The following LEKR1 variants were observed in gnomAD, a reference collection of about 807,000 sequenced individuals.
The protein encoded by LEKR1 is protein LEKR1.
A neutral mutation model predicts 72.4 loss-of-function variants in LEKR1; 59 were observed. The observed-to-expected ratio is 0.82, with a 90% CI of 0.66 to 1.01. The LOEUF (loss-of-function observed/expected upper bound fraction) is 1.01. LEKR1 is among the 50% of genes least tolerant of loss of function. LEKR1 has a pLI of 0.00. For missense variants in LEKR1, 728 were observed against 759.2 expected, an observed-to-expected ratio of 0.96 and a Z score of 0.48; for synonymous variants, 257 against 263.2, an observed-to-expected ratio of 0.98 and a Z score of 0.23.
intron 5 of LEKR1, among the ~76,000 whole-genome samples, chr3:156,938,297 T>C (rs1725898952): frequency 6.6e-6 from 1 of 152,086 alleles, no homozygotes; most frequent in Non-Finnish European, 1.5e-5. Context: ...TAAGTTTGAA[T>C]AGGAACTCCC....
chr3:156,966,081 T>C (rs1422498615), intron 6 of LEKR1, among the ~76,000 whole-genome samples: 2 of 152,098 alleles, frequency 1.3e-5, no homozygotes, highest in Non-Finnish European at 2.9e-5. Flanking sequence ...CTAATGTAAC[T>C]AAATAAATAA....
At chr3:156,878,213 C>T (rs1210208723) in intron 3 of LEKR1, among the ~76,000 whole-genome samples, 1 of 151,634 alleles carries the variant, frequency 6.6e-6, no homozygotes, top group Non-Finnish European at 1.5e-5. Flanking sequence ...GAGGTGTGAC[C>T]TTAGATTGTT....
At chr3:156,869,834 T>C (rs1030242073) in intron 3 of LEKR1, among the ~76,000 whole-genome samples, 1 of 152,098 alleles carries the variant, frequency 6.6e-6, no homozygotes, top group East Asian at 1.9e-4. Flanking sequence ...AGTTTTATAG[T>C]TTGGGGTCTT....
At chr3:156,899,507 T>TATACAC (rs1560064083) in intron 3 of LEKR1, among the ~76,000 whole-genome samples, 67 of 95,814 alleles carry the variant, frequency 7.0e-4, no homozygotes, top group South Asian at 2.0e-3. Context: ...TATATACATG[T>TATACAC]ATATATACAT....
intron 11 of LEKR1, among the ~76,000 whole-genome samples, chr3:157,027,605 C>T (rs972281125): frequency 6.6e-6 from 1 of 151,980 alleles, no homozygotes; most frequent in Admixed American, 6.6e-5. Context: ...TGCTTGAGCC[C>T]AGGAGTTTAA....
chr3:157,029,941 T>C (rs1734482986), intron 12 of LEKR1, among the ~76,000 whole-genome samples: 1 of 152,150 alleles, frequency 6.6e-6, no homozygotes, highest in African/African-American at 2.4e-5. Flanking sequence ...CCAAATTCAG[T>C]AAATGTATAT....
At chr3:156,897,917 C>T (rs997076635) in intron 3 of LEKR1, among the ~76,000 whole-genome samples, 1 of 149,626 alleles carries the variant, frequency 6.7e-6, no homozygotes, top group African/African-American at 2.5e-5. Flanking sequence ...TGTGCCACTG[C>T]ACTCCAGCCT....
chr3:156,877,302 T>A (rs183845519), intron 3 of LEKR1, among the ~76,000 whole-genome samples: 11 of 152,280 alleles, frequency 7.2e-5, no homozygotes, highest in African/African-American at 2.4e-4. Flanking sequence ...TTTATGTCAT[T>A]CCTGGTTTTG....
At chr3:156,948,579 C>T (rs1726882538) in intron 6 of LEKR1, among the ~76,000 whole-genome samples, 1 of 151,168 alleles carries the variant, frequency 6.6e-6, no homozygotes, top group South Asian at 2.1e-4. Context: ...TTGATGGGCA[C>T]TTAGGTTGAT....
chr3:156,859,352 C>A (rs1245210374), intron 3 of LEKR1, among the ~76,000 whole-genome samples: 1 of 152,086 alleles, frequency 6.6e-6, no homozygotes, highest in Non-Finnish European at 1.5e-5. Context: ...CCTTCTTGAC[C>A]TTAAATTTTT....
chr3:156,929,844 C>T (rs1201686343), intron 5 of LEKR1, among the ~76,000 whole-genome samples: 1 of 152,062 alleles, frequency 6.6e-6, no homozygotes, highest in Non-Finnish European at 1.5e-5. Context: ...GATTCCTCAC[C>T]CTTGCTTAGG....
At chr3:156,868,343 G>A (rs920219336) in intron 3 of LEKR1, among the ~76,000 whole-genome samples, 2 of 151,870 alleles carry the variant, frequency 1.3e-5, no homozygotes, top group Non-Finnish European at 2.9e-5. Context: ...TTCTATTAAC[G>A]GATGTGAATT....
In LEKR1 at chr3:156,927,455, T is replaced by G. The variant is rs1724826720; in HGVS notation, c.410T>G (p.Phe137Cys). 8.8e-7 allele frequency: 1 copy of G among 1,137,104 alleles called. No homozygotes were observed. Among genetic ancestry groups the G allele is most frequent in the African/African-American group, 1.7e-5 (1 of 58,462 alleles). The allele number at this position is 1,137,104 out of a possible 1,614,324, so 70.4% of individuals were successfully genotyped here. A position where few individuals can be genotyped will look rare whatever the true frequency, so the allele number is the denominator to read the frequency against. Residue 137 changes from phenylalanine to cysteine, a missense_variant, in exon 5 of 13, where the codon TTC (phenylalanine) becomes TGC (cysteine). Physicochemically the swap from Phe to Cys is radical, Grantham distance 205 (BLOSUM62 -2). Coordinates refer to ENST00000356539, the MANE Select transcript of LEKR1 (RefSeq NM_001004316.3). ...CAAAGATTGTCAGAGTACAAATATT[T>G]CTGGAATAAGACTCTTTCATTACTT... ...FSQRLSEYKY[F>C]WNKTLSLLTF... is the part of the protein sequence containing the mutation.
intron 11 of LEKR1, among the ~76,000 whole-genome samples, chr3:157,025,139 A>AT (rs1183950472): frequency 6.6e-6 from 1 of 152,090 alleles, no homozygotes; most frequent in Non-Finnish European, 1.5e-5. Context: ...CTATGTATGG[A>AT]TTTTTTCTAC....
intron 6 of LEKR1, among the ~76,000 whole-genome samples, chr3:156,965,221 A>G (rs529973492): frequency 1.4e-4 from 22 of 152,266 alleles, no homozygotes; most frequent in Non-Finnish European, 3.2e-4. Flanking sequence ...GTAAACACAC[A>G]TATACACACA....
chr3:156,979,025 G>C (rs930199364), intron 6 of LEKR1, among the ~76,000 whole-genome samples, 169 bp from the exon 7 acceptor site: 3 of 152,168 alleles, frequency 2.0e-5, no homozygotes, highest in Admixed American at 6.5e-5. Flanking sequence ...AGGATAGGGA[G>C]GGCTGAGTAG....
intron 11 of LEKR1, among the ~76,000 whole-genome samples, chr3:157,026,532 A>G (rs916773048): frequency 6.6e-5 from 10 of 152,322 alleles, no homozygotes; most frequent in African/African-American, 2.4e-4. Flanking sequence ...TGCAGACCTG[A>G]CAGTGGCCTT....
intron 3 of LEKR1, among the ~76,000 whole-genome samples, chr3:156,855,400 A>G (rs976891629): frequency 2.0e-5 from 3 of 152,140 alleles, no homozygotes; most frequent in Non-Finnish European, 4.4e-5. Flanking sequence ...ATGAAGCTGA[A>G]CATTTGTTTG....
intron 3 of LEKR1, among the ~76,000 whole-genome samples, chr3:156,889,501 A>G (rs758843323): frequency 5.3e-5 from 8 of 152,210 alleles, no homozygotes; most frequent in Admixed American, 2.0e-4. Context: ...ACTCTTTACC[A>G]TGCTGAAATA....
Sources: gnomAD v4.1 joint callset for allele counts (sites outside exome capture counted in the v4.1 genomes callset) on GRCh38, gnomAD v4.1.1 for gene constraint, MANE v1.5 for transcripts, NCBI Gene and HGNC (gene_info 2026-07-23, HGNC 2026-07-21) for gene names.